Variants in PCDHGA4 observed in about 807,000 individuals in gnomAD.
PCDHGA4 encodes the protein protocadherin gamma subfamily A, 4.
Under a neutral mutation model 54.6 loss-of-function variants are expected in PCDHGA4, and 38 were observed. The observed-to-expected ratio is 0.70, with a 90% confidence interval of 0.54 to 0.91. The LOEUF (loss-of-function observed/expected upper bound fraction) is 0.91, where lower values mean the gene tolerates loss of function less well. PCDHGA4 is among the 40% of genes least tolerant of loss of function. PCDHGA4 has a pLI of 0.00. For missense variants in PCDHGA4, 1,298 were observed against 1,220.9 expected (o/e 1.06, Z -0.94); for synonymous variants, 511 against 512.9 (o/e 1.00, Z 0.05).
At chr5:141,382,945 C>T (rs1357779050) in intron 1 of PCDHGA4, 1 of 1,597,008 alleles carries the variant, frequency 6.3e-7, no homozygotes, top group Admixed American at 1.7e-5. Context: ...ATTCTTCCTG[C>T]TCTCCATCCT....
At position 141,512,967 on chromosome 5, in the gene PCDHGA4, T is replaced by C. The variant is rs2099884538; in HGVS notation, c.*1794T>C. ...CGACAAAAAAATAATAAAACGTTTC[T>C]TCTGAAAAGCTGAACGTTTCTGTAT... On this transcript the variant is annotated 3_prime_UTR_variant, in exon 4 of 4. Transcript: ENST00000571252. The C allele has an allele frequency of 6.6e-6, 1 of 152,260 alleles. No individual in the cohort carries two copies. Among genetic ancestry groups the C allele is most frequent in the South Asian group, 2.1e-4 (1 of 4,832 alleles). The allele number at this position is 152,260 out of a possible 1,614,324, so 9.4% of individuals were successfully genotyped here.
chr5:141,416,016 G>C (rs190922355), intron 1 of PCDHGA4: 29 of 227,390 alleles, frequency 1.3e-4, no homozygotes, highest in Non-Finnish European at 2.2e-4. Context: ...GAATAGGTAA[G>C]TATCAGAAAG....
Position 141,486,772 on chromosome 5 carries a change from T to A in PCDHGA4, c.2515-8035T>A. ...ATGAGCAAACCCAGACACTGCAGTT[T>A]GAGGTGCAGGCCCGGGATCGGGGCA... is the stretch of plus-strand genomic sequence containing the variant. On this transcript the variant is annotated intron_variant, in intron 1 of 3. Coordinates refer to ENST00000571252, the MANE Select transcript of PCDHGA4 (RefSeq NM_018917.4). The surrounding 1 kb of genome is among the most constrained non-coding windows in gnomAD (Gnocchi z 5.0). 1 of 1,614,246 alleles carries A rather than the reference T, an allele frequency of 6.2e-7. No homozygotes were observed. Among genetic ancestry groups the A allele is most frequent in the South Asian group, 1.1e-5 (1 of 91,088 alleles).
rs1227487225 is a variant in PCDHGA4, at chr5:141,491,275, G to C, written c.2515-3532G>C. The C allele has an allele frequency of 2.5e-6, 4 of 1,614,082 alleles. 1 individual carries two copies. In the South Asian group the frequency reaches 4.4e-5, roughly 18 times the overall value. On this transcript the variant is annotated intron_variant, in intron 1 of 3. Transcript: ENST00000571252. This position sits in a 1 kb window ranked among gnomAD's most constrained non-coding sequence, Gnocchi z 6.9. Reference sequence around the variant, plus strand: ...CCCTGAGGAAATGCCCAAATCCAGTGACTTCCTCATACACCCTCCTGAGCG... The same window carrying C: ...CCCTGAGGAAATGCCCAAATCCAGTCACTTCCTCATACACCCTCCTGAGCG...
chr5:141,497,111 G>A (rs899232924), intron 2 of PCDHGA4, among the ~76,000 whole-genome samples: 16 of 152,010 alleles, frequency 1.1e-4, no homozygotes, highest in Non-Finnish European at 1.2e-4. Context: ...GCTTGAACCC[G>A]GAAGGCAGAG....
intron 1 of PCDHGA4, among the ~76,000 whole-genome samples, chr5:141,465,407 A>G (rs1019401245): frequency 6.6e-6 from 1 of 152,218 alleles, no homozygotes; most frequent in African/African-American, 2.4e-5. Flanking sequence ...AGAAGAAGCC[A>G]AATCAGCACT....
At chr5:141,499,330 C>T (rs1040336371) in intron 2 of PCDHGA4, among the ~76,000 whole-genome samples, 1 of 152,170 alleles carries the variant, frequency 6.6e-6, no homozygotes, top group African/African-American at 2.4e-5. Flanking sequence ...CCTGCTCTCT[C>T]TCAGTTTGGG....
intron 1 of PCDHGA4, chr5:141,389,363 C>T (rs776814041): frequency 1.2e-6 from 2 of 1,613,868 alleles, no homozygotes; most frequent in South Asian, 2.2e-5. Flanking sequence ...TGGCCAGTGA[C>T]CTGGAGCAGC....
chr5:141,432,919 C>T lies in PCDHGA4; in HGVS notation c.2515-61888C>T. ...TGGCGCTCAGGCTGCGGCGCTGGCACAAGTCACGCCTGCTGCAGGCTTCAG... is the reference window on the plus strand; with the variant it reads ...TGGCGCTCAGGCTGCGGCGCTGGCATAAGTCACGCCTGCTGCAGGCTTCAG... On this transcript the variant is annotated intron_variant, in intron 1 of 3. Coordinates refer to ENST00000571252, the MANE Select transcript of PCDHGA4 (RefSeq NM_018917.4). The surrounding 1 kb of genome is among the most constrained non-coding windows in gnomAD (Gnocchi z 6.0). The T allele has an allele frequency of 2.5e-6, 4 of 1,614,210 alleles. No individual in the cohort carries two copies. Among genetic ancestry groups the T allele is most frequent in the Non-Finnish European group, 3.4e-6 (4 of 1,180,040 alleles).
intron 1 of PCDHGA4, chr5:141,402,812 C>T: frequency 8.0e-7 from 1 of 1,243,800 alleles, no homozygotes; most frequent in East Asian, 2.6e-5. Flanking sequence ...GCAGATACCA[C>T]AAACCTGCTC....
chr5:141,438,619 TATATATATATATATATACACAC>T (rs1408639052), intron 1 of PCDHGA4, among the ~76,000 whole-genome samples: 61 of 39,666 alleles, frequency 1.5e-3, no homozygotes, highest in African/African-American at 9.2e-3. Context: ...TATATATATA[TATATATATATATATATACACAC>T]ACACACACAC....
chr5:141,433,299 T>G, intron 1 of PCDHGA4: 1 of 995,012 alleles, frequency 1.0e-6, no homozygotes, highest in Non-Finnish European at 1.5e-6. Flanking sequence ...GCTCAAGCAA[T>G]TATCCCACCT....
chr5:141,398,787 A>G, intron 1 of PCDHGA4: 2 of 1,613,902 alleles, frequency 1.2e-6, no homozygotes, highest in Non-Finnish European at 1.7e-6. Flanking sequence ...GTGGACATCC[A>G]CCCCTAAGCG....
In PCDHGA4 at chr5:141,431,304, T is replaced by G. The variant is rs749116196; in HGVS notation, c.2515-63503T>G. The G allele has an allele frequency of 7.4e-6, 12 of 1,614,104 alleles. No individual in the cohort carries two copies. Among genetic ancestry groups the G allele is most frequent in the Non-Finnish European group, 9.3e-6 (11 of 1,180,030 alleles). On this transcript the variant is annotated intron_variant, in intron 1 of 3. Coordinates refer to ENST00000571252, the MANE Select transcript of PCDHGA4 (RefSeq NM_018917.4). The surrounding 1 kb of genome is among the most constrained non-coding windows in gnomAD (Gnocchi z 4.8). ...CCGAACACTCACTTCTCCCTCATCGTGCAAAATGGAGCCGACGGTAGTAAG... is the reference window on the plus strand; with the variant it reads ...CCGAACACTCACTTCTCCCTCATCGGGCAAAATGGAGCCGACGGTAGTAAG...
chr5:141,361,132 A>C (rs958485360), intron 1 of PCDHGA4: 1 of 1,613,986 alleles, frequency 6.2e-7, no homozygotes, highest in Admixed American at 1.7e-5. Context: ...CCACTGCAGT[A>C]TCCAAGTTGA....
intron 1 of PCDHGA4, chr5:141,415,330 A>G (rs1326574664): frequency 1.2e-6 from 2 of 1,614,094 alleles, no homozygotes; most frequent in African/African-American, 2.7e-5. Context: ...GCTGGCGCAC[A>G]GGCTGCGGCG....
In PCDHGA4 at chr5:141,485,629, C is replaced by G. The variant is rs1028146827; in HGVS notation, c.2515-9178C>G. The G allele has an allele frequency of 1.2e-6, 2 of 1,611,902 alleles. No individual in the cohort carries two copies. The highest frequency in any genetic ancestry group is 3.3e-5 in the Admixed American group (2 of 59,922). On this transcript the variant is annotated intron_variant, in intron 1 of 3. Coordinates refer to ENST00000571252, the MANE Select transcript of PCDHGA4 (RefSeq NM_018917.4). This position sits in a 1 kb window ranked among gnomAD's most constrained non-coding sequence, Gnocchi z 5.7. ...AGGCAGCTCCTCCAGGACAGCGTTTCCCGTTGGAAAAGGCTCAGGATGCAG... is the reference window on the plus strand; with the variant it reads ...AGGCAGCTCCTCCAGGACAGCGTTTGCCGTTGGAAAAGGCTCAGGATGCAG...
chr5:141,455,047 C>T (rs2098811276), intron 1 of PCDHGA4, among the ~76,000 whole-genome samples: 1 of 150,004 alleles, frequency 6.7e-6, no homozygotes, highest in African/African-American at 2.5e-5. Context: ...CTCCTGACCT[C>T]GTGATCCGCC....
chr5:141,365,082 T>A lies in PCDHGA4; in HGVS notation c.2514+7461T>A, dbSNP rs769625651. 5 of 1,613,852 alleles carry A rather than the reference T, an allele frequency of 3.1e-6. No homozygotes were observed. In the South Asian group the frequency reaches 5.5e-5, roughly 18 times the overall value. On this transcript the variant is annotated intron_variant, in intron 1 of 3. Coordinates refer to ENST00000571252, the MANE Select transcript of PCDHGA4 (RefSeq NM_018917.4). ...ACCCCATCCGAGTACAGCGTGAGTG[T>A]TCCAGAGAACATACCTGTGGGCACT... is the stretch of plus-strand genomic sequence containing the variant.
Sources: gnomAD v4.1 joint callset for allele counts (sites outside exome capture counted in the v4.1 genomes callset) on GRCh38, gnomAD v4.1.1 for gene constraint, Gnocchi (gnomAD v3.1) non-coding constraint, MANE v1.5 for transcripts, NCBI Gene and HGNC (gene_info 2026-07-23, HGNC 2026-07-21) for gene names.